Variants in KHDRBS2 observed in about 807,000 individuals in gnomAD.
The protein encoded by KHDRBS2 is KH domain-containing, RNA-binding, signal transduction-associated protein 2.
A neutral mutation model predicts 44.3 loss-of-function variants in KHDRBS2; 26 were observed. That is an observed-to-expected ratio of 0.59 (90% confidence interval 0.43 to 0.81). The LOEUF (loss-of-function observed/expected upper bound fraction) is 0.81, where lower values mean the gene tolerates loss of function less well. KHDRBS2 is among the 40% of genes least tolerant of loss of function. KHDRBS2 has a pLI of 0.00. For missense variants in KHDRBS2, 476 were observed against 433.1 expected (o/e 1.10, Z -0.88); for synonymous variants, 194 against 151.1 (o/e 1.28, Z -2.08).
intron 2 of KHDRBS2, among the ~76,000 whole-genome samples, chr6:62,077,323 C>T (rs112085346): frequency 1.1e-4 from 16 of 151,950 alleles, no homozygotes; most frequent in African/African-American, 3.6e-4. Context: ...GCCTGCCAGG[C>T]CTTATGGGGA....
At chr6:62,079,061 A>G (rs958128607) in intron 2 of KHDRBS2, among the ~76,000 whole-genome samples, 1 of 152,038 alleles carries the variant, frequency 6.6e-6, no homozygotes, top group African/African-American at 2.4e-5. Context: ...TCAGCGGGAC[A>G]TATCTAAAAA....
At chr6:62,181,927 T>C (rs1431144046) in intron 1 of KHDRBS2, among the ~76,000 whole-genome samples, 1 of 151,978 alleles carries the variant, frequency 6.6e-6, no homozygotes, top group African/African-American at 2.4e-5. Context: ...CCTACCCAGA[T>C]ACTGAATCTG....
intron 6 of KHDRBS2, among the ~76,000 whole-genome samples, chr6:61,823,327 T>C (rs1162363373): frequency 3.9e-5 from 6 of 152,100 alleles, no homozygotes; most frequent in Non-Finnish European, 7.4e-5. Flanking sequence ...ATATAATTTT[T>C]GATATTAAGC....
At position 61,978,086 on chromosome 6, in the gene KHDRBS2, T is replaced by G. The variant is rs773529545; in HGVS notation, c.463A>C (p.Ile155Leu). ...YSRMSHALEE[I>L]KKFLVPDYND... ...CTTACAGGAACCAGGAATTTTTTAA[T>G]CTCTTCCAATGCATGACTCATACGT... is the stretch of plus-strand genomic sequence containing the variant. Residue 155 changes from isoleucine to leucine, a missense_variant, in exon 4 of 9, where the codon ATT becomes CTT. Transcript: ENST00000281156. The G allele has an allele frequency of 6.3e-7, 1 of 1,591,912 alleles. No homozygotes were observed. Among genetic ancestry groups the G allele is most frequent in the Admixed American group, 1.9e-5 (1 of 53,998 alleles).
At chr6:61,662,700 G>A in the KHDRBS2 span, among the ~76,000 whole-genome samples, 99 of 151,574 alleles carry the variant, frequency 6.5e-4, no homozygotes, top group African/African-American at 2.2e-3. Flanking sequence ...CCACAATGAG[G>A]TACCATCTCA....
chr6:62,230,124 G>A (rs1832661462), intron 1 of KHDRBS2, among the ~76,000 whole-genome samples: 1 of 152,080 alleles, frequency 6.6e-6, no homozygotes, highest in African/African-American at 2.4e-5. Flanking sequence ...TTAATATGTA[G>A]TACACACACC....
chr6:61,802,645 A>G (rs1439581942), intron 6 of KHDRBS2, among the ~76,000 whole-genome samples: 1 of 152,160 alleles, frequency 6.6e-6, no homozygotes, highest in Non-Finnish European at 1.5e-5. Context: ...TAAGTACCTA[A>G]GGCAATATTT....
chr6:61,879,504 T>A (rs543805378), intron 6 of KHDRBS2, among the ~76,000 whole-genome samples: 6 of 152,052 alleles, frequency 3.9e-5, no homozygotes, highest in African/African-American at 1.4e-4. Context: ...ACCCTAAAAC[T>A]CCTTAATTAA....
At chr6:61,871,808 GA>G (rs1798699790) in intron 6 of KHDRBS2, among the ~76,000 whole-genome samples, 1 of 152,184 alleles carries the variant, frequency 6.6e-6, no homozygotes, top group African/African-American at 2.4e-5. Context: ...CAAATGAGGA[GA>G]GATTTTGTCA....
the KHDRBS2 span, among the ~76,000 whole-genome samples, chr6:61,594,343 C>T: frequency 6.6e-6 from 1 of 151,946 alleles, no homozygotes; most frequent in Non-Finnish European, 1.5e-5. Flanking sequence ...TTTATGAGTC[C>T]TGTTTTCTAA....
chr6:62,208,846 C>T (rs1235947840), intron 1 of KHDRBS2, among the ~76,000 whole-genome samples: 4 of 152,066 alleles, frequency 2.6e-5, no homozygotes, highest in African/African-American at 4.8e-5. Context: ...CGTTGAGAAC[C>T]GTTTCATAGA....
At chr6:61,689,809 G>A (rs1396619620) in intron 8 of KHDRBS2, among the ~76,000 whole-genome samples, 6 of 151,846 alleles carry the variant, frequency 4.0e-5, no homozygotes, top group Non-Finnish European at 8.8e-5. Context: ...GTACCAGTAC[G>A]GTTAAGTCAT....
chr6:61,606,178 CTT>C, the KHDRBS2 span, among the ~76,000 whole-genome samples: 1 of 152,184 alleles, frequency 6.6e-6, no homozygotes, highest in Non-Finnish European at 1.5e-5. Context: ...CGCTGAGTCT[CTT>C]TTCGGACTCA....
chr6:62,158,380 G>A (rs368420666), intron 2 of KHDRBS2, among the ~76,000 whole-genome samples: 2 of 152,140 alleles, frequency 1.3e-5, no homozygotes, highest in Admixed American at 1.3e-4. Context: ...CTCATGGTAT[G>A]TCATTATATT....
chr6:61,580,651 A>G, the KHDRBS2 span, among the ~76,000 whole-genome samples: 1 of 152,168 alleles, frequency 6.6e-6, no homozygotes, highest in Non-Finnish European at 1.5e-5. Flanking sequence ...AAACAACTCC[A>G]GACACCAGAC....
chr6:62,044,607 G>T (rs1356287629), intron 3 of KHDRBS2, among the ~76,000 whole-genome samples: 1 of 151,958 alleles, frequency 6.6e-6, no homozygotes, highest in Non-Finnish European at 1.5e-5. Context: ...TAAAGGTGAG[G>T]CAAACATGTT....
At chr6:62,222,579 G>A (rs1406431268) in intron 1 of KHDRBS2, among the ~76,000 whole-genome samples, 1 of 152,054 alleles carries the variant, frequency 6.6e-6, no homozygotes, top group Non-Finnish European at 1.5e-5. Context: ...GGGAATTATG[G>A]GAGTACAATC....
At chr6:62,009,901 G>A (rs530410364) in intron 3 of KHDRBS2, among the ~76,000 whole-genome samples, 2 of 152,322 alleles carry the variant, frequency 1.3e-5, no homozygotes, top group African/African-American at 4.8e-5. Flanking sequence ...TCATGTAGAA[G>A]CTCTGCTAGG....
At chr6:61,710,655 T>A (rs1397480098) in intron 7 of KHDRBS2, among the ~76,000 whole-genome samples, 1 of 151,072 alleles carries the variant, frequency 6.6e-6, no homozygotes, top group African/African-American at 2.4e-5. Flanking sequence ...GTATTCATCA[T>A]CCTCCTGAGA....
Sources: gnomAD v4.1 joint callset for allele counts (sites outside exome capture counted in the v4.1 genomes callset) on GRCh38, gnomAD v4.1.1 for gene constraint, MANE v1.5 for transcripts, NCBI Gene and HGNC (gene_info 2026-07-23, HGNC 2026-07-21) for gene names.